Variants in PRKN observed in about 807,000 individuals in gnomAD.
PRKN encodes the protein E3 ubiquitin-protein ligase parkin.
Under a neutral mutation model 59.5 loss-of-function variants are expected in PRKN, and 56 were observed. The observed-to-expected ratio is 0.94, with a 90% CI of 0.76 to 1.18. PRKN has a LOEUF of 1.18. Among genes scored for constraint, PRKN ranks in the 50% most tolerant of loss-of-function variants. PRKN has a pLI of 0.00. For synonymous variants in PRKN, 250 were observed against 222.1 expected (o/e 1.13, Z -1.12); for missense variants, 657 against 596.4 (o/e 1.10, Z -1.06).
Position 162,109,980 on chromosome 6 carries a change from T to A in PRKN, c.535-55806A>T, listed in dbSNP as rs75989494. Among the ~76,000 whole-genome samples the A allele has an allele frequency of 3.3e-5, 5 of 152,336 alleles. No homozygotes were observed. The East Asian group carries it at 9.6e-4, about 29-fold the overall frequency. On this transcript the variant is annotated intron_variant, in intron 4 of 11. Coordinates refer to ENST00000366898, the MANE Select transcript of PRKN (RefSeq NM_004562.3). ...ACCATGAATCATTTAGTAAACACTG[T>A]CTAGAAATATTAACATAAATCCTGT...
chr6:162,261,711 C>CT (rs1426243101), intron 3 of PRKN, among the ~76,000 whole-genome samples: 1 of 152,164 alleles, frequency 6.6e-6, no homozygotes, highest in Non-Finnish European at 1.5e-5. Context: ...TAATGCCTTA[C>CT]TTTCTGGGCT....
chr6:161,569,508 G>A, intron 7 of PRKN, 92 bp from the exon 8 acceptor site: 1 of 1,107,080 alleles, frequency 9.0e-7, no homozygotes, highest in Non-Finnish European at 1.4e-6. Context: ...AACTGCCAGT[G>A]TTGCCTTTTG....
At chr6:161,824,593 G>T (rs889703499) in intron 6 of PRKN, among the ~76,000 whole-genome samples, 2 of 152,080 alleles carry the variant, frequency 1.3e-5, no homozygotes, top group African/African-American at 4.8e-5. Context: ...AAAGAAATCT[G>T]GGCTCCAGAT....
intron 6 of PRKN, among the ~76,000 whole-genome samples, chr6:161,874,537 A>G (rs1305272252): frequency 3.6e-5 from 4 of 109,912 alleles, no homozygotes; most frequent in Non-Finnish European, 6.4e-5. Context: ...TGTAAAATAT[A>G]TATTATGTAA....
At chr6:161,785,207 C>G (rs1303573084) in intron 7 of PRKN, among the ~76,000 whole-genome samples, 2 of 152,256 alleles carry the variant, frequency 1.3e-5, no homozygotes, top group Middle Eastern at 3.4e-3. Flanking sequence ...CAAAATGCCA[C>G]TGAATTGTAC....
intron 4 of PRKN, among the ~76,000 whole-genome samples, chr6:162,161,226 C>T (rs970566514): frequency 4.6e-5 from 7 of 152,162 alleles, no homozygotes; most frequent in Admixed American, 1.3e-4. Context: ...GGGATGCGAT[C>T]CCCAGAAATC....
rs73783353 is a variant in PRKN at position 161,715,461 on chromosome 6, T to C, written c.871+70311A>G. The stretch of plus-strand genomic sequence containing the variant: ...GTATGTTATTTTTACTCAGTGAATA[T>C]GTATCCCTCTTCAAGACAAATATAT... On this transcript the variant is annotated intron_variant, in intron 7 of 11. Coordinates refer to ENST00000366898, the MANE Select transcript of PRKN (RefSeq NM_004562.3). 6.1e-3 allele frequency among the ~76,000 whole-genome samples: 931 copies of C among 152,314 alleles called. 11 individuals carry two copies. Among genetic ancestry groups the C allele is most frequent in the African/African-American group, 0.021 (855 of 41,560 alleles).
chr6:162,648,658 A>C lies in PRKN; in HGVS notation c.7+79004T>G, dbSNP rs560926683. The stretch of plus-strand genomic sequence containing the variant: ...CAGCCTCCCAAAGTGCTGGGATTAC[A>C]GGCGTGAGCCACGACAGCCGGCCAG... On this transcript the variant is annotated intron_variant, in intron 1 of 11. Transcript: ENST00000366898. 9.8e-5 allele frequency among the ~76,000 whole-genome samples: 15 copies of C among 152,310 alleles called. No homozygotes were observed. In the South Asian group the frequency reaches 2.9e-3, roughly 29 times the overall value.
At chr6:161,675,584 A>C (rs547917682) in intron 7 of PRKN, among the ~76,000 whole-genome samples, 8 of 152,204 alleles carry the variant, frequency 5.3e-5, no homozygotes, top group Non-Finnish European at 1.2e-4. Flanking sequence ...TGGTGTGAGC[A>C]GCAAGAATGA....
intron 2 of PRKN, among the ~76,000 whole-genome samples, chr6:162,386,732 GAGAC>G (rs1312594256): frequency 1.6e-4 from 24 of 152,260 alleles, no homozygotes; most frequent in Non-Finnish European, 1.5e-5. Context: ...ATAAGGGACA[GAGAC>G]AGACAGATGA....
chr6:162,285,938 G>A (rs76685694), intron 2 of PRKN, among the ~76,000 whole-genome samples: 9,686 of 152,200 alleles, frequency 0.064, 423 homozygotes, highest in Middle Eastern at 0.16. Context: ...ATGGAGAGAT[G>A]GGCAAAATAC....
chr6:162,518,611 C>T (rs888274949), intron 1 of PRKN, among the ~76,000 whole-genome samples: 1 of 152,088 alleles, frequency 6.6e-6, no homozygotes, highest in African/African-American at 2.4e-5. Flanking sequence ...AAGTGATCCG[C>T]CCACCTTGGG....
At chr6:162,425,461 A>C (rs1446067906) in intron 2 of PRKN, among the ~76,000 whole-genome samples, 1 of 152,222 alleles carries the variant, frequency 6.6e-6, no homozygotes, top group African/African-American at 2.4e-5. Flanking sequence ...TCATTAAATT[A>C]CTATTTTTCA....
At chr6:161,805,495 C>T (rs1270641606) in intron 6 of PRKN, among the ~76,000 whole-genome samples, 1 of 125,750 alleles carries the variant, frequency 8.0e-6, no homozygotes, top group Non-Finnish European at 1.8e-5. Flanking sequence ...TGTACACACA[C>T]ATGTACACAT....
At chr6:162,046,970 T>C (rs1389078924) in intron 5 of PRKN, among the ~76,000 whole-genome samples, 2 of 152,112 alleles carry the variant, frequency 1.3e-5, no homozygotes, top group African/African-American at 4.8e-5. Context: ...TAAGCTGTCC[T>C]TGAGTCTGAA....
chr6:162,612,535 T>A (rs189178976), intron 1 of PRKN, among the ~76,000 whole-genome samples: 5 of 144,620 alleles, frequency 3.5e-5, no homozygotes, highest in Admixed American at 2.1e-4. Context: ...AGGGACCAGA[T>A]GCAGTGAGCC....
chr6:161,420,210 A>G (rs1003692785), intron 9 of PRKN, among the ~76,000 whole-genome samples: 82 of 150,652 alleles, frequency 5.4e-4, no homozygotes, highest in African/African-American at 1.9e-3. Context: ...GCTGCACTCC[A>G]GCCAGAGCGA....
chr6:161,852,160 C>T (rs567713730), intron 6 of PRKN, among the ~76,000 whole-genome samples: 171 of 151,504 alleles, frequency 1.1e-3, no homozygotes, highest in African/African-American at 3.8e-3. Context: ...AATAAACAAC[C>T]TTTCAACAGG....
Position 161,907,667 on chromosome 6 carries a change from C to G in PRKN, c.734+65635G>C, listed in dbSNP as rs995843734. The stretch of plus-strand genomic sequence containing the variant: ...AGTGTAAACAATGGCATGAAAGTGA[C>G]GTAAGACGTGAGCCAGGATGGTCTG... On this transcript the variant is annotated intron_variant, in intron 6 of 11. Transcript: ENST00000366898. 2.6e-5 allele frequency among the ~76,000 whole-genome samples: 4 copies of G among 152,104 alleles called. No individual in the cohort carries two copies. The South Asian group carries it at 8.3e-4, about 32-fold the overall frequency.
Sources: gnomAD v4.1 joint callset for allele counts (sites outside exome capture counted in the v4.1 genomes callset) on GRCh38, gnomAD v4.1.1 for gene constraint, MANE v1.5 for transcripts, NCBI Gene and HGNC (gene_info 2026-07-23, HGNC 2026-07-21) for gene names.